Variants in ZNF207 observed in about 807,000 individuals in gnomAD.
ZNF207 encodes zinc finger protein 207, also known as BUB3-interacting and GLEBS motif-containing protein ZNF207.
In ZNF207, 24 loss-of-function variants were observed where a neutral mutation model predicts 60.2. The ratio of observed to expected loss-of-function variants is 0.40; its 90% CI spans 0.29 to 0.56. The LOEUF (loss-of-function observed/expected upper bound fraction) is 0.56, where lower values mean the gene tolerates loss of function less well. Among genes scored for constraint, ZNF207 ranks in the 20% least tolerant of loss-of-function variants. ZNF207 has a pLI of 0.49. For missense variants in ZNF207, 452 were observed against 636.6 expected (o/e 0.71, Z 3.12); for synonymous variants, 236 against 194.7 (o/e 1.21, Z -1.77).
intron 9 of ZNF207, among the ~76,000 whole-genome samples, chr17:32,367,282 T>TATATATATATATATATATATATATAA (rs1445385221): frequency 8.4e-5 from 7 of 82,854 alleles, no homozygotes; most frequent in East Asian, 7.7e-4. Context: ...TATATATATA[T>TATATATATATATATATATATATATAA]ATAAAGAATA....
rs1012118914 is a variant in ZNF207, at chr17:32,367,674, C to A, written c.922-98C>A. 9 of 1,462,734 alleles carry A rather than the reference C, an allele frequency of 6.2e-6. No individual in the cohort carries two copies. In the South Asian group the frequency reaches 1.2e-4, roughly 20 times the overall value. 90.6% of individuals were successfully genotyped at this position (1,462,734 alleles called of 1,614,324 possible). A position where few individuals can be genotyped will look rare whatever the true frequency, so the allele number is the denominator to read the frequency against. ...TATTAATTTCATTTAAAGTTTGGTC[C>A]TTTATTTAATGTTGATGCCTTGTTT... On this transcript the variant is annotated intron_variant, in intron 9 of 11. Coordinates refer to ENST00000394670, the MANE Select transcript of ZNF207 (RefSeq NM_001098507.2).
In ZNF207 at chr17:32,369,819, T is replaced by C. The variant is rs1905385234; in HGVS notation, c.*60T>C. 1.5e-6 allele frequency: 2 copies of C among 1,367,852 alleles called. No individual in the cohort carries two copies. The highest frequency in any genetic ancestry group is 2.4e-5 in the South Asian group (1 of 42,074). 84.7% of individuals were successfully genotyped at this position (1,367,852 alleles called of 1,614,324 possible). ...AAACCTTTTCTCAACTTGTGCTGTT[T>C]ATATAGCCAAGCTTCCGTCAATAAG... is the stretch of plus-strand genomic sequence containing the variant. On this transcript the variant is annotated 3_prime_UTR_variant, in exon 12 of 12. Coordinates refer to ENST00000394670, the MANE Select transcript of ZNF207 (RefSeq NM_001098507.2).
intron 2 of ZNF207, among the ~76,000 whole-genome samples, chr17:32,358,168 C>T (rs1482486495): frequency 6.6e-6 from 1 of 152,180 alleles, no homozygotes; most frequent in Non-Finnish European, 1.5e-5. Flanking sequence ...CTACTAGTTA[C>T]TGCTAATAAT....
Position 32,377,677 on chromosome 17 carries a change from ATCACAGT to A in ZNF207, c.*7924_*7930del, listed in dbSNP as rs1293082015. On this transcript the variant is annotated 3_prime_UTR_variant, in exon 12 of 12. Transcript: ENST00000394670. ...CCTTTTTAGAGTAATCAAAATTTCT[ATCACAGT>A]TCACATACTGGAATACATAGTAAAA... is the stretch of plus-strand genomic sequence containing the variant. The A allele has an allele frequency of 6.6e-6, 1 of 151,956 alleles. No homozygotes were observed. Among genetic ancestry groups the A allele is most frequent in the Non-Finnish European group, 1.5e-5 (1 of 67,848 alleles). 9.4% of individuals were successfully genotyped at this position (151,956 alleles called of 1,614,324 possible).
rs771632068 is a variant in ZNF207 at position 32,369,773 on chromosome 17, A to G, written c.*14A>G. 6.7e-7 allele frequency: 1 copy of G among 1,501,378 alleles called. No individual in the cohort carries two copies. The highest frequency in any genetic ancestry group is 8.9e-7 in the Non-Finnish European group (1 of 1,125,410). 93.0% of individuals were successfully genotyped at this position (1,501,378 alleles called of 1,614,324 possible). On this transcript the variant is annotated 3_prime_UTR_variant, in exon 12 of 12. Transcript: ENST00000394670. ...GGCCGTTACTGATCTTACTTCATCC[A>G]GTCTAATAGGTTTGGAGATTAAACC...
chr17:32,360,360 G>C (rs1377981558), intron 3 of ZNF207, among the ~76,000 whole-genome samples: 1 of 151,874 alleles, frequency 6.6e-6, no homozygotes, highest in African/African-American at 2.4e-5. Context: ...AAATTTAAAA[G>C]AAAAAATACT....
At chr17:32,354,405 G>C (rs1904380334) in intron 2 of ZNF207, among the ~76,000 whole-genome samples, 1 of 152,104 alleles carries the variant, frequency 6.6e-6, no homozygotes, top group Non-Finnish European at 1.5e-5. Flanking sequence ...CCGCCTCCTG[G>C]GCTTAAGTGA....
rs1363194053 is a variant in ZNF207, at chr17:32,357,351, A to ATTATTAT, written c.169-1150_169-1149insATTATTT. On this transcript the variant is annotated intron_variant, in intron 2 of 11. Transcript: ENST00000394670. ...TATTATTATTATTATTATTATTATT[A>ATTATTAT]TTTTTTTTTTTTTTTGAGACAGAAT... 2.2e-4 allele frequency among the ~76,000 whole-genome samples: 16 copies of ATTATTAT among 74,000 alleles called. 1 individual carries two copies. The highest frequency in any genetic ancestry group is 7.9e-4 in the African/African-American group (14 of 17,770). The allele number at this position is 74,000 out of a possible 152,430, so 48.5% of individuals were successfully genotyped here.
intron 7 of ZNF207, 131 bp downstream of exon 7, chr17:32,363,115 A>T (rs557645665): frequency 1.1e-5 from 7 of 645,072 alleles, no homozygotes; most frequent in Non-Finnish European, 1.8e-5. Flanking sequence ...GAGAAGTGTT[A>T]TATGGACCCT....
intron 3 of ZNF207, among the ~76,000 whole-genome samples, chr17:32,360,273 C>A (rs1054816160): frequency 6.6e-6 from 1 of 150,378 alleles, no homozygotes; most frequent in African/African-American, 2.4e-5. Context: ...TCGCTTCAGC[C>A]CAGGAGTTTG....
rs778401936 is a variant in ZNF207 at position 32,360,614 on chromosome 17, G to A, written c.324G>A (p.Lys108=). The A allele has an allele frequency of 1.3e-6, 2 of 1,589,822 alleles. No homozygotes were observed. The highest frequency in any genetic ancestry group is 1.7e-6 in the Non-Finnish European group (2 of 1,173,204). The part of the protein sequence containing the change: ...EQKTQESQKK[K]QQDDSDEYDD... ...TTTTAACAGAAAGTCAAAAAAAGAA[G>A]CAACAAGATGATTCTGATGAATATG... Residue 108 remains lysine (K), a synonymous_variant, in exon 4 of 12, where the codon AAG becomes AAA. Transcript: ENST00000394670.
chr17:32,357,344 TA>T (rs1253622284), intron 2 of ZNF207, among the ~76,000 whole-genome samples: 3,744 of 78,392 alleles, frequency 0.048, 117 homozygotes, highest in South Asian at 0.1. Flanking sequence ...TTATTATTAT[TA>T]TTATTATTTT....
rs1905866487 is a variant in ZNF207, at chr17:32,381,102, A to G, written c.*11343A>G. On this transcript the variant is annotated 3_prime_UTR_variant, in exon 12 of 12. Transcript: ENST00000394670. ...GGAAAGATTGATTATTTCTGAGGAAAAGGTCCATTTATTTCCAAACTAGTC... is the reference window on the plus strand; with the variant it reads ...GGAAAGATTGATTATTTCTGAGGAAGAGGTCCATTTATTTCCAAACTAGTC... 1 of 152,252 alleles carries G rather than the reference A, an allele frequency of 6.6e-6. No individual in the cohort carries two copies. Among genetic ancestry groups the G allele is most frequent in the African/African-American group, 2.4e-5 (1 of 41,470 alleles). 9.4% of individuals were successfully genotyped at this position (152,252 alleles called of 1,614,324 possible). A position where few individuals can be genotyped will look rare whatever the true frequency, so the allele number is the denominator to read the frequency against.
intron 2 of ZNF207, among the ~76,000 whole-genome samples, chr17:32,357,690 C>T (rs1904630111): frequency 2.0e-5 from 3 of 151,788 alleles, no homozygotes. Context: ...CTCTCAGTAT[C>T]TGCCCAGGCT....
Position 32,367,864 on chromosome 17 carries a change from C to G in ZNF207, c.1014C>G (p.Phe338Leu). ...ATTTEPPKPT[F>L]PAYTQSTAST... is the part of the protein sequence containing the mutation. ...CTACAGAACCCCCAAAGCCTACATT[C>G]CCTGCTTATACACAGTCTACAGCTT... Residue 338 changes from phenylalanine (F) to leucine (L), a missense_variant, in exon 10 of 12, where the codon TTC (phenylalanine) becomes TTG (leucine). Physicochemically the swap from Phe to Leu is conservative, Grantham distance 22. Transcript: ENST00000394670. 2 of 1,614,146 alleles carry G rather than the reference C, an allele frequency of 1.2e-6. No homozygotes were observed. The highest frequency in any genetic ancestry group is 1.7e-6 in the Non-Finnish European group (2 of 1,180,032).
Position 32,380,214 on chromosome 17 carries a change from G to A in ZNF207, c.*10455G>A, listed in dbSNP as rs1459467647. On this transcript the variant is annotated 3_prime_UTR_variant, in exon 12 of 12. Coordinates refer to ENST00000394670, the MANE Select transcript of ZNF207 (RefSeq NM_001098507.2). Reference sequence around the variant, plus strand: ...ATTTGGTAAGTATTTAACTTGAAGTGCATGTAATAGTGATGAGAGTAAGTA... The same window carrying A: ...ATTTGGTAAGTATTTAACTTGAAGTACATGTAATAGTGATGAGAGTAAGTA... 1 of 152,630 alleles carries A rather than the reference G, an allele frequency of 6.6e-6. No homozygotes were observed. Among genetic ancestry groups the A allele is most frequent in the African/African-American group, 2.4e-5 (1 of 41,442 alleles). The allele number at this position is 152,630 out of a possible 1,614,324, so 9.5% of individuals were successfully genotyped here.
intron 2 of ZNF207, among the ~76,000 whole-genome samples, chr17:32,357,336 A>ATTT (rs1419043137): frequency 1.9e-4 from 17 of 87,848 alleles, no homozygotes; most frequent in African/African-American, 8.0e-4. Flanking sequence ...TATTATTATT[A>ATTT]TTATTATTAT....
Position 32,365,350 on chromosome 17 carries a change from C to A in ZNF207, c.691C>A (p.Arg231Ser). 6.2e-7 allele frequency: 1 copy of A among 1,613,966 alleles called. No individual in the cohort carries two copies. Among genetic ancestry groups the A allele is most frequent in the Non-Finnish European group, 8.5e-7 (1 of 1,179,910 alleles). Reference sequence around the variant, plus strand: ...TGCAGGTATGCCCCCACCTGTTCCACGTCCTGGAATTCCTCCAATGACTCA... The same window carrying A: ...TGCAGGTATGCCCCCACCTGTTCCAAGTCCTGGAATTCCTCCAATGACTCA... The part of the protein sequence containing the change: ...MPPGMPPPVP[R>S]PGIPPMTQAQ... Residue 231 changes from arginine to serine, a missense_variant, in exon 8 of 12, where the codon CGT (arginine) becomes AGT (serine). Around this residue, in one of 2 missense-constraint regions of ZNF207, gnomAD observed 390 missense variants for 461.4 expected, o/e 0.85. Coordinates refer to ENST00000394670, the MANE Select transcript of ZNF207 (RefSeq NM_001098507.2).
Position 32,373,069 on chromosome 17 carries a change from A to G in ZNF207, c.*3310A>G, listed in dbSNP as rs1027606925. Reference sequence around the variant, plus strand: ...GATTAATTTTTGAGTGGCTGCTGGAATTACTTGATTTGAATACTTAGTATT... The same window carrying G: ...GATTAATTTTTGAGTGGCTGCTGGAGTTACTTGATTTGAATACTTAGTATT... On this transcript the variant is annotated 3_prime_UTR_variant, in exon 12 of 12. Coordinates refer to ENST00000394670, the MANE Select transcript of ZNF207 (RefSeq NM_001098507.2). 1.0e-5 allele frequency: 2 copies of G among 196,620 alleles called. No homozygotes were observed. The highest frequency in any genetic ancestry group is 1.2e-4 in the Admixed American group (2 of 16,902). The allele number at this position is 196,620 out of a possible 1,614,324, so 12.2% of individuals were successfully genotyped here.
Sources: gnomAD v4.1 joint callset for allele counts (sites outside exome capture counted in the v4.1 genomes callset) on GRCh38, gnomAD v4.1.1 for gene constraint, gnomAD v4.1.1 regional missense constraint, MANE v1.5 for transcripts, NCBI Gene and HGNC (gene_info 2026-07-23, HGNC 2026-07-21) for gene names.